The following KDM4C variants were observed in gnomAD, a reference collection of about 807,000 sequenced individuals.
KDM4C encodes lysine-specific demethylase 4C.
KDM4C carries 81 observed loss-of-function variants against 129.3 expected under a neutral mutation model. That is an observed-to-expected ratio of 0.63 (90% confidence interval 0.52 to 0.75). KDM4C has a LOEUF of 0.75. Among genes scored for constraint, KDM4C ranks in the 30% least tolerant of loss-of-function variants. KDM4C has a pLI of 0.00. For synonymous variants in KDM4C, 573 were observed against 456.1 expected, an observed-to-expected ratio of 1.26 and a Z score of -3.26; for missense variants, 1,457 against 1,304.0, an observed-to-expected ratio of 1.12 and a Z score of -1.81.
intron 2 of KDM4C, among the ~76,000 whole-genome samples, chr9:6,804,322 G>A (rs981038822): frequency 6.6e-6 from 1 of 152,174 alleles, no homozygotes; most frequent in Non-Finnish European, 1.5e-5. Context: ...GGTAGGTTCA[G>A]ATTGGCCATG....
At chr9:6,879,822 G>GC (rs1187582675) in intron 5 of KDM4C, among the ~76,000 whole-genome samples, 190 bp from the exon 6 acceptor site, 7 of 152,042 alleles carry the variant, frequency 4.6e-5, no homozygotes, top group African/African-American at 1.7e-4. Flanking sequence ...TAATTTATAG[G>GC]CATATTTTTT....
chr9:7,045,420 C>G (rs912574343), intron 15 of KDM4C, among the ~76,000 whole-genome samples: 2 of 151,988 alleles, frequency 1.3e-5, no homozygotes, highest in African/African-American at 4.8e-5. Context: ...CATTCATTTT[C>G]TTTCTCACCT....
chr9:6,940,531 A>G (rs1825752127), intron 8 of KDM4C, among the ~76,000 whole-genome samples: 1 of 152,224 alleles, frequency 6.6e-6, no homozygotes, highest in Non-Finnish European at 1.5e-5. Context: ...AACAGTGCAA[A>G]TTGCTACTTG....
chr9:6,855,458 C>CAAAAAA (rs34177301), intron 5 of KDM4C, among the ~76,000 whole-genome samples: 4 of 70,080 alleles, frequency 5.7e-5, no homozygotes, highest in Non-Finnish European at 9.1e-5. Context: ...GACTCCGTCT[C>CAAAAAA]AAAAAAAAAA....
chr9:7,149,997 C>G (rs1842582069), intron 19 of KDM4C, among the ~76,000 whole-genome samples: 1 of 152,118 alleles, frequency 6.6e-6, no homozygotes, highest in Admixed American at 6.6e-5. Flanking sequence ...GGGGCACAGC[C>G]CTGAGATCAC....
At chr9:6,767,302 G>C (rs1312201065) in intron 1 of KDM4C, among the ~76,000 whole-genome samples, 1 of 149,008 alleles carries the variant, frequency 6.7e-6, no homozygotes, top group Non-Finnish European at 1.5e-5. Flanking sequence ...CCTCACGCCC[G>C]GCTAATTTTT....
At chr9:6,809,842 AC>A (rs1171574170) in intron 3 of KDM4C, among the ~76,000 whole-genome samples, 1 of 152,110 alleles carries the variant, frequency 6.6e-6, no homozygotes, top group African/African-American at 2.4e-5. Flanking sequence ...TACAATAAAT[AC>A]AAAAATTAGC....
At chr9:6,958,483 A>T (rs369538488) in intron 8 of KDM4C, among the ~76,000 whole-genome samples, 46 of 151,872 alleles carry the variant, frequency 3.0e-4, no homozygotes, top group Admixed American at 1.4e-3. Context: ...GCTACTTGGG[A>T]GGCTGAGGCA....
chr9:6,761,226 C>G (rs1303646456), intron 1 of KDM4C, among the ~76,000 whole-genome samples: 1 of 152,020 alleles, frequency 6.6e-6, no homozygotes, highest in Non-Finnish European at 1.5e-5. Flanking sequence ...TCAGGCTGGT[C>G]TCGAACTCCT....
chr9:6,724,326 G>T (rs1420169450), intron 1 of KDM4C, among the ~76,000 whole-genome samples: 1 of 152,184 alleles, frequency 6.6e-6, no homozygotes, highest in Admixed American at 6.6e-5. Flanking sequence ...AGCAGCAATT[G>T]TTGGCTTGTT....
In KDM4C at chr9:6,791,575, G is replaced by A. The variant is rs138410990; in HGVS notation, c.-17-1397G>A. Among the ~76,000 whole-genome samples, 975 of 152,330 alleles carry A rather than the reference G, an allele frequency of 6.4e-3. 13 individuals carry two copies. The highest frequency in any genetic ancestry group is 0.022 in the African/African-American group (916 of 41,578). The stretch of plus-strand genomic sequence containing the variant: ...TAATTACTGTAGGAAGGCATGATAT[G>A]ACAATCTGTAAGCACACCTGAGTAA... On this transcript the variant is annotated intron_variant, in intron 1 of 21. Transcript: ENST00000381309.
At chr9:6,822,870 T>C (rs1588507771) in intron 4 of KDM4C, among the ~76,000 whole-genome samples, 1 of 152,188 alleles carries the variant, frequency 6.6e-6, no homozygotes, top group African/African-American at 2.4e-5. Flanking sequence ...GCATCGACCT[T>C]TGAAGGCAAA....
intron 20 of KDM4C, among the ~76,000 whole-genome samples, chr9:7,165,933 C>T (rs1306595959): frequency 6.6e-6 from 1 of 152,072 alleles, no homozygotes; most frequent in Non-Finnish European, 1.5e-5. Context: ...GGGAACCCTA[C>T]GTAGTATTAA....
chr9:7,099,725 G>A (rs555471809), intron 17 of KDM4C, among the ~76,000 whole-genome samples: 100 of 152,240 alleles, frequency 6.6e-4, no homozygotes, highest in Non-Finnish European at 1.1e-3. Flanking sequence ...ATCCTGGGGC[G>A]GAAGAGAGCC....
chr9:7,103,602 T>A, intron 17 of KDM4C, 83 bp from the exon 18 acceptor site: 1 of 885,044 alleles, frequency 1.1e-6, no homozygotes, highest in Non-Finnish European at 1.8e-6. Flanking sequence ...TTTTCTTCTC[T>A]AGTAGCTATT....
intron 8 of KDM4C, among the ~76,000 whole-genome samples, chr9:6,924,098 T>C (rs1254747924): frequency 6.6e-6 from 1 of 152,230 alleles, no homozygotes; most frequent in Non-Finnish European, 1.5e-5. Context: ...AGAATCCTTT[T>C]TCTAATAGCT....
chr9:6,949,802 G>A (rs568212409), intron 8 of KDM4C, among the ~76,000 whole-genome samples: 4 of 152,356 alleles, frequency 2.6e-5, no homozygotes, highest in Admixed American at 6.5e-5. Context: ...GTACAGTCCA[G>A]CTTCGGCTCG....
At chr9:7,046,816 T>G in intron 15 of KDM4C, 46 bp from the exon 16 acceptor site, 2 of 1,298,926 alleles carry the variant, frequency 1.5e-6, no homozygotes, top group Non-Finnish European at 2.2e-6. Context: ...TAATGACTTT[T>G]GTTATGTGGG....
rs10975967 is a variant in KDM4C, at chr9:7,007,006, C to T, written c.1787-4692C>T. Among the ~76,000 whole-genome samples the T allele has an allele frequency of 2.4e-3, 360 of 152,264 alleles. 8 individuals are homozygous for T. In the East Asian group the frequency reaches 0.025, roughly 11 times the overall value. On this transcript the variant is annotated intron_variant, in intron 12 of 21. Transcript: ENST00000381309. ...AAAACAGCTATTGAAGGTATTGTTG[C>T]CAAGGTGGCAATATTTTCAACAGGT...
Sources: gnomAD v4.1 joint callset for allele counts (sites outside exome capture counted in the v4.1 genomes callset) on GRCh38, gnomAD v4.1.1 for gene constraint, MANE v1.5 for transcripts, NCBI Gene and HGNC (gene_info 2026-07-23, HGNC 2026-07-21) for gene names.